The following KIF11 variants were observed in gnomAD, a reference collection of about 807,000 sequenced individuals.
The protein encoded by KIF11 is kinesin-like protein KIF11.
A neutral mutation model predicts 121.0 loss-of-function variants in KIF11; 9 were observed. The ratio of observed to expected loss-of-function variants is 0.07; its 90% CI spans 0.04 to 0.13. KIF11 has a LOEUF of 0.13. Among genes scored for constraint, KIF11 ranks in the 10% least tolerant of loss-of-function variants. The probability of loss-of-function intolerance (pLI) is 1.00; values close to 1 mark genes in which losing one functional copy is unlikely to be tolerated. For synonymous variants in KIF11, 408 were observed against 421.0 expected, an observed-to-expected ratio of 0.97 and a Z score of 0.38; for missense variants, 846 against 1,217.5, an observed-to-expected ratio of 0.69 and a Z score of 4.54.
In KIF11 at chr10:92,637,428, A is replaced by G. The variant is rs775790787; in HGVS notation, c.2043A>G (p.Ile681Met). 3.8e-6 allele frequency: 6 copies of G among 1,594,490 alleles called. No individual in the cohort carries two copies. In the East Asian group the frequency reaches 1.1e-4, roughly 30 times the overall value. The change falls in exon 16 of 22, where the codon ATA becomes ATG. Residue 681 changes from isoleucine to methionine, a missense_variant. By Grantham distance (10) the Ile-to-Met change is conservative. Coordinates refer to ENST00000260731, the MANE Select transcript of KIF11 (RefSeq NM_004523.4). ...AGGAACTAGATGGCTTTCTCAGTAT[A>G]CTGTGTAACAATCTACATGAACTAC... is the stretch of plus-strand genomic sequence containing the variant. The part of the protein sequence containing the change: ...QKKELDGFLS[I>M]LCNNLHELQE...
chr10:92,634,889 A>C (rs1386776288), intron 14 of KIF11, among the ~76,000 whole-genome samples: 1 of 152,240 alleles, frequency 6.6e-6, no homozygotes, highest in Non-Finnish European at 1.5e-5. Context: ...ATGGTGCAAG[A>C]AAAATATCTT....
chr10:92,633,932 C>A, intron 14 of KIF11, 137 bp downstream of exon 14: 1 of 507,588 alleles, frequency 2.0e-6, no homozygotes, highest in South Asian at 2.4e-5. Context: ...TTACTAGACA[C>A]AGTCATAGAC....
At chr10:92,612,337 T>C (rs1325645142) in intron 6 of KIF11, among the ~76,000 whole-genome samples, 1 of 152,134 alleles carries the variant, frequency 6.6e-6, no homozygotes, top group East Asian at 1.9e-4. Flanking sequence ...ATGGTCCCAC[T>C]ATGTTGCCCA....
intron 1 of KIF11, chr10:92,597,108 A>G: frequency 3.3e-6 from 1 of 304,932 alleles, no homozygotes; most frequent in Non-Finnish European, 6.6e-6. Context: ...ACCTTTCTTC[A>G]GGGTTTCTTC....
intron 1 of KIF11, among the ~76,000 whole-genome samples, chr10:92,598,750 C>T (rs1438182352): frequency 6.6e-6 from 1 of 152,036 alleles, no homozygotes; most frequent in Non-Finnish European, 1.5e-5. Flanking sequence ...TTTATTTATG[C>T]CCCTTAATTT....
intron 9 of KIF11, among the ~76,000 whole-genome samples, chr10:92,620,692 C>T (rs1162796188): frequency 3.3e-5 from 5 of 152,118 alleles, no homozygotes; most frequent in African/African-American, 4.8e-5. Flanking sequence ...ATAATCATGG[C>T]GGAAGGCAAG....
At chr10:92,650,067 T>C in intron 20 of KIF11, 81 bp downstream of exon 20, 2 of 1,064,596 alleles carry the variant, frequency 1.9e-6, no homozygotes, top group Middle Eastern at 2.1e-4. Context: ...AGAATTTTAC[T>C]GTTTACCCCT....
At chr10:92,621,519 G>A in intron 10 of KIF11, 46 bp downstream of exon 10, 1 of 1,130,980 alleles carries the variant, frequency 8.8e-7, no homozygotes, top group Non-Finnish European at 1.3e-6. Flanking sequence ...AAGCATTTCT[G>A]ATAACAGGCT....
In KIF11 at chr10:92,613,755, G is replaced by GCT; in HGVS notation, c.1032+136_1032+137insCT. On this transcript the variant is annotated intron_variant, in intron 8 of 21. Coordinates refer to ENST00000260731, the MANE Select transcript of KIF11 (RefSeq NM_004523.4). This position sits in a 1 kb window ranked among gnomAD's most constrained non-coding sequence, Gnocchi z 4.2. Reference sequence around the variant, plus strand: ...ACCCAGCACTTTGGAAGTCCAAGGTGGGCGGATCACTTGAGCTTAGGAGTG... The same window carrying GCT: ...ACCCAGCACTTTGGAAGTCCAAGGTGCTGGCGGATCACTTGAGCTTAGGAGTG... 1.2e-6 allele frequency: 1 copy of GCT among 807,506 alleles called. No individual in the cohort carries two copies. Among genetic ancestry groups the GCT allele is most frequent in the Non-Finnish European group, 1.9e-6 (1 of 529,662 alleles). The allele number at this position is 807,506 out of a possible 1,614,324, so 50.0% of individuals were successfully genotyped here. A position where few individuals can be genotyped will look rare whatever the true frequency, so the allele number is the denominator to read the frequency against.
At chr10:92,640,597 A>G (rs1325899700) in intron 17 of KIF11, among the ~76,000 whole-genome samples, 1 of 151,602 alleles carries the variant, frequency 6.6e-6, no homozygotes, top group Non-Finnish European at 1.5e-5. Flanking sequence ...ATGCTTGGCT[A>G]ATTTTTTGTA....
chr10:92,641,866 T>C (rs974464551), intron 17 of KIF11, among the ~76,000 whole-genome samples: 3 of 152,190 alleles, frequency 2.0e-5, no homozygotes, highest in African/African-American at 7.2e-5. Flanking sequence ...TTGTTCACAT[T>C]GGGGAAATTC....
chr10:92,602,824 A>G (rs7095250), intron 1 of KIF11, among the ~76,000 whole-genome samples: 1,459 of 74,326 alleles, frequency 0.02, 4 homozygotes, highest in African/African-American at 0.067. Context: ...ACACACACAC[A>G]CGTGTGTGTG....
intron 17 of KIF11, among the ~76,000 whole-genome samples, chr10:92,642,954 C>T (rs1326349432): frequency 6.6e-6 from 1 of 152,204 alleles, no homozygotes; most frequent in East Asian, 1.9e-4. Flanking sequence ...CTCTGTGGCC[C>T]AGGCCGGAGT....
intron 10 of KIF11, among the ~76,000 whole-genome samples, chr10:92,624,052 C>T (rs1294925638): frequency 6.6e-6 from 1 of 152,036 alleles, no homozygotes; most frequent in Non-Finnish European, 1.5e-5. Flanking sequence ...TTACCCTCCA[C>T]CCTCAAAGAG....
intron 14 of KIF11, among the ~76,000 whole-genome samples, chr10:92,634,896 T>C (rs372639822): frequency 6.6e-6 from 1 of 152,226 alleles, no homozygotes; most frequent in Non-Finnish European, 1.5e-5. Context: ...AAGAAAAATA[T>C]CTTAGAATTC....
chr10:92,598,090 A>T (rs1226452735), intron 1 of KIF11, among the ~76,000 whole-genome samples: 1 of 144,530 alleles, frequency 6.9e-6, no homozygotes, highest in African/African-American at 2.9e-5. Flanking sequence ...ATACACAAAC[A>T]TTTTAAATTT....
intron 18 of KIF11, 85 bp from the exon 19 acceptor site, chr10:92,648,125 ATG>A: frequency 1.1e-6 from 1 of 935,860 alleles, no homozygotes; most frequent in African/African-American, 1.8e-5. Context: ...AAAAAAAATT[ATG>A]GAAAAGGTAA....
chr10:92,651,519 T>G (rs1213772594), intron 21 of KIF11, among the ~76,000 whole-genome samples: 1 of 71,492 alleles, frequency 1.4e-5, no homozygotes, highest in South Asian at 4.5e-4. Flanking sequence ...TTTTTTTTTT[T>G]TTTTTTTTTT....
chr10:92,640,238 G>A (rs1012791890), intron 17 of KIF11, among the ~76,000 whole-genome samples: 1 of 152,156 alleles, frequency 6.6e-6, no homozygotes, highest in African/African-American at 2.4e-5. Flanking sequence ...GGCAAACTGT[G>A]GCTAGCAGGC....
Sources: gnomAD v4.1 joint callset for allele counts (sites outside exome capture counted in the v4.1 genomes callset) on GRCh38, gnomAD v4.1.1 for gene constraint, Gnocchi (gnomAD v3.1) non-coding constraint, MANE v1.5 for transcripts, NCBI Gene and HGNC (gene_info 2026-07-23, HGNC 2026-07-21) for gene names.